The following CTNND2 variants were observed in gnomAD, a reference collection of about 807,000 sequenced individuals.
CTNND2 encodes the protein catenin delta-2.
A neutral mutation model predicts 144.4 loss-of-function variants in CTNND2; 22 were observed. The ratio of observed to expected loss-of-function variants is 0.15; its 90% CI spans 0.11 to 0.22. The LOEUF (loss-of-function observed/expected upper bound fraction) is 0.22. Among genes scored for constraint, CTNND2 ranks in the 10% least tolerant of loss-of-function variants. The pLI is 1.00. For synonymous variants in CTNND2, 751 were observed against 695.6 expected (o/e 1.08, Z -1.25); for missense variants, 1,353 against 1,618.8 (o/e 0.84, Z 2.82).
chr5:11,149,823 G>A (rs1353763786), intron 12 of CTNND2, among the ~76,000 whole-genome samples: 2 of 152,180 alleles, frequency 1.3e-5, no homozygotes, highest in Admixed American at 1.3e-4. Context: ...GGTTAAACCT[G>A]TTGGAGGCAA....
chr5:11,682,507 T>C (rs769406478), intron 2 of CTNND2, among the ~76,000 whole-genome samples: 8 of 152,244 alleles, frequency 5.3e-5, no homozygotes, highest in Non-Finnish European at 8.8e-5. Context: ...AAATGTATAC[T>C]GGAAGGATAT....
intron 8 of CTNND2, among the ~76,000 whole-genome samples, chr5:11,361,155 G>C (rs1448673632): frequency 6.6e-6 from 1 of 152,072 alleles, no homozygotes; most frequent in Non-Finnish European, 1.5e-5. Context: ...CGAGTAGCTG[G>C]GATTACTGGC....
At chr5:11,372,824 C>T (rs550596431) in intron 7 of CTNND2, among the ~76,000 whole-genome samples, 3 of 152,192 alleles carry the variant, frequency 2.0e-5, no homozygotes, top group East Asian at 3.9e-4. Flanking sequence ...TGCTGGTCCA[C>T]GGACCACCCT....
chr5:11,479,242 A>G (rs1285926956), intron 3 of CTNND2, among the ~76,000 whole-genome samples: 2 of 152,170 alleles, frequency 1.3e-5, no homozygotes, highest in East Asian at 3.8e-4. Flanking sequence ...AAATGAGAAC[A>G]TGTGGTAATT....
At chr5:11,793,093 C>T (rs182261432) in intron 1 of CTNND2, among the ~76,000 whole-genome samples, 360 of 152,296 alleles carry the variant, frequency 2.4e-3, no homozygotes, top group Non-Finnish European at 4.3e-3. Context: ...TAACTGATGT[C>T]GATTTCCACA....
intron 9 of CTNND2, among the ~76,000 whole-genome samples, chr5:11,283,719 G>C (rs1416947410): frequency 2.2e-5 from 3 of 138,078 alleles, no homozygotes; most frequent in African/African-American, 8.3e-5. Flanking sequence ...GAGAGACATG[G>C]GAATCTGTAT....
intron 1 of CTNND2, among the ~76,000 whole-genome samples, chr5:11,781,235 GT>G (rs70949339): frequency 0.88 from 134,249 of 152,058 alleles, 61,158 homozygotes; most frequent in South Asian, 0.99. Context: ...TCTAAGGAGT[GT>G]TAGGTGGAAC....
At chr5:11,796,091 T>C (rs1791385907) in intron 1 of CTNND2, among the ~76,000 whole-genome samples, 1 of 152,218 alleles carries the variant, frequency 6.6e-6, no homozygotes, top group South Asian at 2.1e-4. Context: ...CACCCATCTG[T>C]ACAGACACAC....
chr5:11,093,791 G>A (rs1223330915), intron 15 of CTNND2, among the ~76,000 whole-genome samples: 1 of 152,138 alleles, frequency 6.6e-6, no homozygotes, highest in Non-Finnish European at 1.5e-5. Context: ...ATGCTGTTGT[G>A]TATCCTAACT....
chr5:11,695,946 C>G (rs1785119482), intron 2 of CTNND2, among the ~76,000 whole-genome samples: 1 of 152,160 alleles, frequency 6.6e-6, no homozygotes, highest in Non-Finnish European at 1.5e-5. Flanking sequence ...GTAGTTCACA[C>G]TGCCTGTAAT....
intron 10 of CTNND2, among the ~76,000 whole-genome samples, chr5:11,232,160 C>T (rs11746759): frequency 0.031 from 4,756 of 152,330 alleles, 100 homozygotes; most frequent in Middle Eastern, 0.068. Context: ...GTGGAGCCCT[C>T]ATAGAGAACC....
At chr5:11,342,058 T>C (rs773551013) in intron 9 of CTNND2, among the ~76,000 whole-genome samples, 2 of 152,172 alleles carry the variant, frequency 1.3e-5, no homozygotes, top group African/African-American at 2.4e-5. Context: ...GAGCTTTCAA[T>C]TCACTATATA....
At chr5:11,719,791 TTCGC>T in intron 2 of CTNND2, among the ~76,000 whole-genome samples, 1 of 151,198 alleles carries the variant, frequency 6.6e-6, no homozygotes, top group South Asian at 2.1e-4. Flanking sequence ...CATCTAGGAC[TTCGC>T]TACTTCTCTC....
intron 3 of CTNND2, among the ~76,000 whole-genome samples, chr5:11,542,433 G>C (rs944825395): frequency 4.6e-5 from 7 of 152,194 alleles, no homozygotes; most frequent in Middle Eastern, 3.4e-3. Context: ...TTGATGACTA[G>C]AGCAGCCAAC....
chr5:11,642,851 T>C (rs1039088075), intron 2 of CTNND2, among the ~76,000 whole-genome samples: 3 of 152,246 alleles, frequency 2.0e-5, no homozygotes, highest in African/African-American at 7.2e-5. Context: ...ATAATTGCCG[T>C]GGTTACTGTG....
chr5:11,629,018 G>A (rs1014688514), intron 2 of CTNND2, among the ~76,000 whole-genome samples: 1 of 152,114 alleles, frequency 6.6e-6, no homozygotes, highest in African/African-American at 2.4e-5. Context: ...GTGGAAGGTG[G>A]ATGACACATA....
chr5:11,897,594 G>A (rs1737496994), intron 1 of CTNND2, among the ~76,000 whole-genome samples: 1 of 152,024 alleles, frequency 6.6e-6, no homozygotes, highest in African/African-American at 2.4e-5. Flanking sequence ...TCCAATTATT[G>A]GCAGTTAAAG....
chr5:11,000,585 G>A (rs543304515), intron 18 of CTNND2, among the ~76,000 whole-genome samples: 9 of 152,318 alleles, frequency 5.9e-5, no homozygotes, highest in Admixed American at 4.6e-4. Context: ...AGCTTTGTAT[G>A]CAGGGGATGA....
At chr5:11,602,371 C>T (rs1779837130) in intron 2 of CTNND2, among the ~76,000 whole-genome samples, 1 of 151,926 alleles carries the variant, frequency 6.6e-6, no homozygotes, top group Non-Finnish European at 1.5e-5. Flanking sequence ...TATTTCTTTT[C>T]AGGCAAGTTC....
Sources: gnomAD v4.1 joint callset for allele counts (sites outside exome capture counted in the v4.1 genomes callset) on GRCh38, gnomAD v4.1.1 for gene constraint, MANE v1.5 for transcripts, NCBI Gene and HGNC (gene_info 2026-07-23, HGNC 2026-07-21) for gene names.